The following CDK15 variants were observed in gnomAD, a reference collection of about 807,000 sequenced individuals.
The protein encoded by CDK15 is cyclin dependent kinase 15.
CDK15 carries 62 observed loss-of-function variants against 60.3 expected under a neutral mutation model. The observed-to-expected ratio is 1.03, with a 90% CI of 0.84 to 1.27. The LOEUF is 1.27. CDK15 is among the 50% of genes most tolerant of loss of function. The pLI, the probability that CDK15 is intolerant of heterozygous loss-of-function variation, is 0.00. For missense variants in CDK15, 541 were observed against 527.8 expected, an observed-to-expected ratio of 1.03 and a Z score of -0.25; for synonymous variants, 194 against 195.7, an observed-to-expected ratio of 0.99 and a Z score of 0.07.
At chr2:201,872,128 A>G (rs1000152833) in intron 10 of CDK15, 150 bp from the exon 11 acceptor site, 18 of 777,464 alleles carry the variant, frequency 2.3e-5, no homozygotes, top group Middle Eastern at 2.3e-4. Flanking sequence ...TCAGCAGGAG[A>G]TGAGGCTTTA....
At chr2:201,888,183 T>G (rs982224846) in intron 12 of CDK15, among the ~76,000 whole-genome samples, 1 of 152,106 alleles carries the variant, frequency 6.6e-6, no homozygotes, top group African/African-American at 2.4e-5. Context: ...AGCCTTCAGG[T>G]TATCAGCCCA....
intron 4 of CDK15, among the ~76,000 whole-genome samples, chr2:201,819,756 G>A (rs775700058): frequency 1.2e-4 from 19 of 152,188 alleles, no homozygotes; most frequent in African/African-American, 2.2e-4. Context: ...TGACGTGTAC[G>A]AGTGGTTAAT....
chr2:201,850,272 T>C (rs1201816853), intron 9 of CDK15, among the ~76,000 whole-genome samples: 1 of 152,158 alleles, frequency 6.6e-6, no homozygotes, highest in Non-Finnish European at 1.5e-5. Flanking sequence ...TAATAATAAA[T>C]ATAAATTTCA....
At chr2:201,812,376 C>A in intron 3 of CDK15, 107 bp from the exon 4 acceptor site, 3 of 637,132 alleles carry the variant, frequency 4.7e-6, no homozygotes, top group East Asian at 2.8e-5. Flanking sequence ...GATTTATATG[C>A]TAGAATATAT....
rs770979251 is a variant in CDK15, at chr2:201,894,005, T to C, written c.*738T>C. 2.0e-5 allele frequency: 3 copies of C among 151,774 alleles called. No individual in the cohort carries two copies. The highest frequency in any genetic ancestry group is 6.6e-5 in the Admixed American group (1 of 15,208). The allele number at this position is 151,774 out of a possible 1,614,324, so 9.4% of individuals were successfully genotyped here. ...ATGGGGAATCTAAGCGCTGGTTTGATGGTGGAGATATTGAATAAGTAGTTG... is the reference window on the plus strand; with the variant it reads ...ATGGGGAATCTAAGCGCTGGTTTGACGGTGGAGATATTGAATAAGTAGTTG... On this transcript the variant is annotated 3_prime_UTR_variant, in exon 14 of 14. Transcript: ENST00000652192.
intron 10 of CDK15, among the ~76,000 whole-genome samples, chr2:201,858,382 C>G (rs570074122): frequency 6.8e-6 from 1 of 147,234 alleles, no homozygotes; most frequent in African/African-American, 2.5e-5. Context: ...CCCTCCCTCC[C>G]TTCCTTCTCT....
chr2:201,836,384 A>C (rs567780001), intron 8 of CDK15, among the ~76,000 whole-genome samples: 2 of 151,246 alleles, frequency 1.3e-5, no homozygotes, highest in African/African-American at 4.9e-5. Context: ...CAATTATTCT[A>C]TAACCTTTTA....
At chr2:201,831,232 A>G (rs992699673) in intron 6 of CDK15, among the ~76,000 whole-genome samples, 1 of 152,050 alleles carries the variant, frequency 6.6e-6, no homozygotes, top group African/African-American at 2.4e-5. Flanking sequence ...TCCAGGGGGG[A>G]TGGAAGGACT....
chr2:201,837,731 A>G (rs970438248), intron 8 of CDK15, among the ~76,000 whole-genome samples: 2 of 152,176 alleles, frequency 1.3e-5, no homozygotes, highest in Middle Eastern at 3.2e-3. Flanking sequence ...AACTCCCCAA[A>G]GGTAAGGAAA....
intron 9 of CDK15, among the ~76,000 whole-genome samples, chr2:201,849,552 A>G (rs983136322): frequency 6.6e-6 from 1 of 152,184 alleles, no homozygotes; most frequent in African/African-American, 2.4e-5. Context: ...AAGGGGGAAA[A>G]AAAAAAGAAG....
chr2:201,839,323 A>G (rs544433320), intron 8 of CDK15, among the ~76,000 whole-genome samples: 62 of 152,290 alleles, frequency 4.1e-4, no homozygotes, highest in African/African-American at 1.5e-3. Context: ...ACTGACCTGT[A>G]CTTATTGGAA....
chr2:201,846,812 C>T (rs774192313), intron 8 of CDK15, among the ~76,000 whole-genome samples: 1 of 152,090 alleles, frequency 6.6e-6, no homozygotes, highest in Non-Finnish European at 1.5e-5. Flanking sequence ...GAGTCTGAGT[C>T]AAATGCTGAA....
chr2:201,889,110 G>A (rs1699556667), intron 12 of CDK15: 1 of 985,310 alleles, frequency 1.0e-6, no homozygotes, highest in African/African-American at 1.7e-5. Context: ...AAGGGCAGAA[G>A]TTTAGGCCAG....
chr2:201,879,923 A>G, intron 11 of CDK15, 105 bp from the exon 12 acceptor site: 6 of 1,414,958 alleles, frequency 4.2e-6, no homozygotes, highest in Non-Finnish European at 4.7e-6. Context: ...TCTACTTAAA[A>G]TCTAAGTCTA....
At chr2:201,839,683 C>CAGAG (rs776994151) in intron 8 of CDK15, among the ~76,000 whole-genome samples, 1 of 143,408 alleles carries the variant, frequency 7.0e-6, no homozygotes, top group Non-Finnish European at 1.5e-5. Flanking sequence ...GACAGACAGA[C>CAGAG]AGACAGATAG....
chr2:201,820,949 C>T lies in CDK15; in HGVS notation c.449-1860C>T, dbSNP rs937949617. Among the ~76,000 whole-genome samples the T allele has an allele frequency of 2.6e-5, 4 of 152,262 alleles. No individual in the cohort carries two copies. The East Asian group carries it at 7.7e-4, about 29-fold the overall frequency. On this transcript the variant is annotated intron_variant, in intron 4 of 13. Transcript: ENST00000652192. ...ATGGAGCTCCTTCGGCGTAAGTCAG[C>T]TTAAATTGACAAGTAAAGAGAGAAA...
In CDK15 at chr2:201,865,889, C is replaced by CAAAAAAA. The variant is rs1262940691; in HGVS notation, c.1010-6387_1010-6386insAAAAAAA. Among the ~76,000 whole-genome samples, 103 of 24,800 alleles carry CAAAAAAA rather than the reference C, an allele frequency of 4.2e-3. 5 individuals carry two copies. Among genetic ancestry groups the CAAAAAAA allele is most frequent in the African/African-American group, 0.012 (91 of 7,572 alleles). 16.3% of individuals were successfully genotyped at this position (24,800 alleles called of 152,430 possible). ...TGGGCGACAGAGCAAGATTCCATCT[C>CAAAAAAA]AACAAAAAAAAAAAAAAAAAAAAAA... On this transcript the variant is annotated intron_variant, in intron 10 of 13. Coordinates refer to ENST00000652192, the MANE Select transcript of CDK15 (RefSeq NM_001366386.2).
At chr2:201,836,068 T>A (rs13016370) in intron 8 of CDK15, among the ~76,000 whole-genome samples, 16 of 14,574 alleles carry the variant, frequency 1.1e-3, no homozygotes, top group East Asian at 0.045. Flanking sequence ...TTATATATAT[T>A]TATATTTATA....
intron 12 of CDK15, among the ~76,000 whole-genome samples, chr2:201,881,278 A>G (rs1359853547): frequency 6.6e-6 from 1 of 152,220 alleles, no homozygotes; most frequent in Non-Finnish European, 1.5e-5. Context: ...AAAGTGAGTC[A>G]TTTAGGATCT....
Sources: allele counts gnomAD v4.1 joint callset (sites outside exome capture counted in the v4.1 genomes callset), GRCh38; gene constraint gnomAD v4.1.1; transcripts MANE v1.5; gene names NCBI Gene and HGNC (gene_info 2026-07-23, HGNC 2026-07-21).